KCND2: variants seen among roughly 807,000 people sequenced by gnomAD.
The protein encoded by KCND2 is potassium voltage-gated channel subfamily D member 2.
A neutral mutation model predicts 54.4 loss-of-function variants in KCND2; 16 were observed. The ratio of observed to expected loss-of-function variants is 0.29; its 90% CI spans 0.20 to 0.45. The LOEUF (loss-of-function observed/expected upper bound fraction) is 0.45. KCND2 is among the 20% of genes least tolerant of loss of function. KCND2 has a pLI of 1.00. For synonymous variants in KCND2, 317 were observed against 310.7 expected, an observed-to-expected ratio of 1.02 and a Z score of -0.21; for missense variants, 486 against 824.2, an observed-to-expected ratio of 0.59 and a Z score of 5.02.
chr7:120,718,733 G>T (rs184081571), intron 1 of KCND2, among the ~76,000 whole-genome samples: 164 of 152,292 alleles, frequency 1.1e-3, no homozygotes, highest in African/African-American at 3.3e-3. Flanking sequence ...AGGAGAAAGA[G>T]ATTCACTTAG....
At chr7:120,322,914 A>C (rs1799912375) in intron 1 of KCND2, among the ~76,000 whole-genome samples, 1 of 152,298 alleles carries the variant, frequency 6.6e-6, no homozygotes, top group South Asian at 2.1e-4. Flanking sequence ...TACTAAAATG[A>C]ATGCTTTAAT....
intron 1 of KCND2, among the ~76,000 whole-genome samples, chr7:120,368,671 C>T (rs1429744592): frequency 1.3e-5 from 2 of 152,016 alleles, no homozygotes; most frequent in Non-Finnish European, 2.9e-5. Context: ...TACTAATTCT[C>T]CTTTATCATT....
At position 120,296,543 on chromosome 7, in the gene KCND2, G is replaced by A. The variant is rs143437609; in HGVS notation, c.1115+20796G>A. ...ATGTGCCAATAGTATGATCATATGG[G>A]AATGGTAATTGTTTACTTAAGAAAG... On this transcript the variant is annotated intron_variant, in intron 1 of 5. Transcript: ENST00000331113. 7.9e-4 allele frequency among the ~76,000 whole-genome samples: 120 copies of A among 152,182 alleles called. No homozygotes were observed. The East Asian group carries it at 0.012, about 15-fold the overall frequency.
At chr7:120,706,821 T>C (rs184903310) in intron 1 of KCND2, among the ~76,000 whole-genome samples, 2 of 152,310 alleles carry the variant, frequency 1.3e-5, no homozygotes, top group African/African-American at 4.8e-5. Flanking sequence ...ATTTTCAGGC[T>C]GTATACTTAG....
At chr7:120,606,534 A>G (rs908852726) in intron 1 of KCND2, among the ~76,000 whole-genome samples, 1 of 152,060 alleles carries the variant, frequency 6.6e-6, no homozygotes, top group African/African-American at 2.4e-5. Flanking sequence ...TATTTGATCT[A>G]TATTGAGTTA....
intron 1 of KCND2, among the ~76,000 whole-genome samples, chr7:120,705,582 T>C (rs776754261): frequency 6.6e-6 from 1 of 152,168 alleles, no homozygotes; most frequent in Non-Finnish European, 1.5e-5. Context: ...AAGTATTCAA[T>C]AACTGAGCGG....
At chr7:120,568,902 T>C (rs1353667592) in intron 1 of KCND2, among the ~76,000 whole-genome samples, 1 of 152,146 alleles carries the variant, frequency 6.6e-6, no homozygotes, top group Non-Finnish European at 1.5e-5. Context: ...TTTTTTTTAA[T>C]TTTGTTTCCC....
chr7:120,455,464 C>T (rs1042575778), intron 1 of KCND2, among the ~76,000 whole-genome samples: 6 of 152,098 alleles, frequency 3.9e-5, no homozygotes, highest in African/African-American at 1.4e-4. Flanking sequence ...TCATTCAACC[C>T]AACAATCCCA....
At chr7:120,535,944 G>T (rs1400364957) in intron 1 of KCND2, among the ~76,000 whole-genome samples, 1 of 152,088 alleles carries the variant, frequency 6.6e-6, no homozygotes, top group Admixed American at 6.6e-5. Context: ...TAAAAGAAAT[G>T]CAAGCCACTA....
intron 1 of KCND2, among the ~76,000 whole-genome samples, chr7:120,332,616 T>C (rs905952472): frequency 2.0e-5 from 3 of 152,114 alleles, no homozygotes; most frequent in African/African-American, 7.2e-5. Flanking sequence ...TTTAGCACTC[T>C]GGCATTCCAA....
chr7:120,377,588 A>G (rs1800852551), intron 1 of KCND2, among the ~76,000 whole-genome samples: 1 of 151,916 alleles, frequency 6.6e-6, no homozygotes, highest in African/African-American at 2.4e-5. Context: ...ATATAGTGTT[A>G]AGGTAACAGT....
intron 1 of KCND2, among the ~76,000 whole-genome samples, chr7:120,526,117 T>TG: frequency 6.6e-6 from 1 of 152,180 alleles, no homozygotes; most frequent in East Asian, 1.9e-4. Context: ...CAGGTCAGGT[T>TG]CTTTAGTATG....
intron 1 of KCND2, among the ~76,000 whole-genome samples, chr7:120,629,992 G>A (rs147998956): frequency 3.3e-5 from 5 of 152,270 alleles, no homozygotes; most frequent in Admixed American, 2.6e-4. Context: ...ATTGAGGCTG[G>A]AGTTATTAAC....
rs372422013 is a variant in KCND2, at chr7:120,657,735, A to G, written c.1116-75168A>G. The stretch of plus-strand genomic sequence containing the variant: ...CGGGGCAGTGCCCCTGTAATCCTAG[A>G]TACTCCGCAGGCTGAGGAGTGAGAT... On this transcript the variant is annotated intron_variant, in intron 1 of 5. Coordinates refer to ENST00000331113, the MANE Select transcript of KCND2 (RefSeq NM_012281.3). 9.9e-5 allele frequency among the ~76,000 whole-genome samples: 15 copies of G among 152,182 alleles called. No homozygotes were observed. The East Asian group carries it at 1.4e-3, about 14-fold the overall frequency.
intron 1 of KCND2, among the ~76,000 whole-genome samples, chr7:120,455,943 A>G (rs1802193428): frequency 6.6e-6 from 1 of 152,206 alleles, no homozygotes; most frequent in Non-Finnish European, 1.5e-5. Context: ...AAACCTACAC[A>G]TATACCCTTA....
intron 1 of KCND2, among the ~76,000 whole-genome samples, chr7:120,465,874 A>G (rs1802361022): frequency 6.6e-6 from 1 of 152,206 alleles, no homozygotes; most frequent in Non-Finnish European, 1.5e-5. Flanking sequence ...TGGGAAGTAA[A>G]GAGAATAGAA....
At chr7:120,391,335 G>T (rs922416901) in intron 1 of KCND2, among the ~76,000 whole-genome samples, 1 of 152,114 alleles carries the variant, frequency 6.6e-6, no homozygotes, top group Non-Finnish European at 1.5e-5. Flanking sequence ...ATTTGGGTTG[G>T]TTCCAAGTCT....
chr7:120,661,936 G>A (rs953500536), intron 1 of KCND2, among the ~76,000 whole-genome samples: 3 of 152,164 alleles, frequency 2.0e-5, no homozygotes, highest in African/African-American at 7.2e-5. Context: ...AGGGTTCCAT[G>A]AGCCTCCCCT....
chr7:120,629,727 T>C (rs982213365), intron 1 of KCND2, among the ~76,000 whole-genome samples: 6 of 152,158 alleles, frequency 3.9e-5, no homozygotes, highest in African/African-American at 1.2e-4. Flanking sequence ...GCAGTTGGAA[T>C]GGTTAGACTT....
Sources: allele counts gnomAD v4.1 joint callset (sites outside exome capture counted in the v4.1 genomes callset), GRCh38; gene constraint gnomAD v4.1.1; transcripts MANE v1.5; gene names NCBI Gene and HGNC (gene_info 2026-07-23, HGNC 2026-07-21).